The following PGR variants were observed in gnomAD, a reference collection of about 807,000 sequenced individuals.
PGR encodes the protein nuclear receptor subfamily 3 group C member 3.
Under a neutral mutation model 76.1 loss-of-function variants are expected in PGR, and 25 were observed. The observed-to-expected ratio is 0.33, with a 90% confidence interval of 0.24 to 0.46. PGR has a LOEUF of 0.46. Ranked by LOEUF, PGR falls within the 20% of genes least tolerant of loss-of-function variation. The pLI, the probability that PGR is intolerant of heterozygous loss-of-function variation, is 1.00. For synonymous variants in PGR, 579 were observed against 535.0 expected, an observed-to-expected ratio of 1.08 and a Z score of -1.14; for missense variants, 1,172 against 1,225.3, an observed-to-expected ratio of 0.96 and a Z score of 0.65.
chr11:101,115,048 T>C (rs1862459223), intron 2 of PGR, among the ~76,000 whole-genome samples: 1 of 152,130 alleles, frequency 6.6e-6, no homozygotes, highest in African/African-American at 2.4e-5. Context: ...GGGGTGGGAA[T>C]AAGGGGTCAC....
rs866776804 is a variant in PGR, at chr11:101,068,081, C to G, written c.1907-5329G>C. ...TCATATTTTCTTAAGCCAACTGAGT[C>G]CAGAGGTGGATGTTAATCATATTGT... On this transcript the variant is annotated intron_variant, in intron 3 of 7. Transcript: ENST00000325455. 3.9e-5 allele frequency among the ~76,000 whole-genome samples: 6 copies of G among 152,008 alleles called. No individual in the cohort carries two copies. The South Asian group carries it at 1.2e-3, about 32-fold the overall frequency.
intron 2 of PGR, among the ~76,000 whole-genome samples, chr11:101,101,840 A>G (rs1003017528): frequency 1.1e-4 from 16 of 152,228 alleles, no homozygotes; most frequent in African/African-American, 3.9e-4. Context: ...TTAAAACATT[A>G]TGAGTTTTAA....
chr11:101,038,789 G>A lies in PGR; in HGVS notation c.*327C>T. On this transcript the variant is annotated 3_prime_UTR_variant, in exon 8 of 8. Transcript: ENST00000325455. Reference sequence around the variant, plus strand: ...GTAAGATTTTTTCTCTTAAGTCGATGATTTGTTAGATGCAAAAGTTAAAAA... The same window carrying A: ...GTAAGATTTTTTCTCTTAAGTCGATAATTTGTTAGATGCAAAAGTTAAAAA... 3.9e-6 allele frequency: 1 copy of A among 259,646 alleles called. No individual in the cohort carries two copies. Among genetic ancestry groups the A allele is most frequent in the Non-Finnish European group, 7.4e-6 (1 of 134,580 alleles). 16.1% of individuals were successfully genotyped at this position (259,646 alleles called of 1,614,324 possible). A position where few individuals can be genotyped will look rare whatever the true frequency, so the allele number is the denominator to read the frequency against.
intron 2 of PGR, among the ~76,000 whole-genome samples, chr11:101,097,660 TACC>T (rs902033410): frequency 5.3e-5 from 8 of 152,246 alleles, no homozygotes; most frequent in Non-Finnish European, 1.0e-4. Flanking sequence ...TCTGATTTTT[TACC>T]ACCTTTTAAC....
At chr11:101,105,222 T>G (rs1862113275) in intron 2 of PGR, among the ~76,000 whole-genome samples, 1 of 152,166 alleles carries the variant, frequency 6.6e-6, no homozygotes, top group Non-Finnish European at 1.5e-5. Context: ...ATGGTACCAC[T>G]GGAGACACTG....
At chr11:101,048,630 C>T (rs1423974667) in intron 6 of PGR, among the ~76,000 whole-genome samples, 1 of 152,112 alleles carries the variant, frequency 6.6e-6, no homozygotes, top group Non-Finnish European at 1.5e-5. Flanking sequence ...GCATAGGGGA[C>T]TTAACATGAA....
chr11:101,062,888 T>A (rs1297673185), intron 3 of PGR, 136 bp from the exon 4 acceptor site: 15 of 598,850 alleles, frequency 2.5e-5, no homozygotes, highest in Non-Finnish European at 4.2e-5. Context: ...AATAAAAGTG[T>A]TAGATATTAA....
At chr11:101,091,179 T>G (rs1861663811) in intron 3 of PGR, among the ~76,000 whole-genome samples, 1 of 152,186 alleles carries the variant, frequency 6.6e-6, no homozygotes, top group East Asian at 1.9e-4. Context: ...TATCTGACAT[T>G]AATTTTTTAA....
At chr11:101,059,930 A>G (rs1458017846) in intron 4 of PGR, among the ~76,000 whole-genome samples, 1 of 152,064 alleles carries the variant, frequency 6.6e-6, no homozygotes, top group Non-Finnish European at 1.5e-5. Flanking sequence ...TACCATTATT[A>G]TAACAGATCC....
chr11:101,070,264 T>C (rs1046034349), intron 3 of PGR, among the ~76,000 whole-genome samples: 2 of 152,174 alleles, frequency 1.3e-5, no homozygotes, highest in African/African-American at 4.8e-5. Flanking sequence ...CGTGAGTGAC[T>C]GTGCTGTAAG....
chr11:101,069,470 G>C (rs985671329), intron 3 of PGR, among the ~76,000 whole-genome samples: 1 of 152,140 alleles, frequency 6.6e-6, no homozygotes, highest in Non-Finnish European at 1.5e-5. Context: ...CAAAGATCTA[G>C]AACCAGAAAT....
chr11:101,084,431 G>T (rs1565350216), intron 3 of PGR, among the ~76,000 whole-genome samples: 1 of 152,094 alleles, frequency 6.6e-6, no homozygotes, highest in Non-Finnish European at 1.5e-5. Context: ...GCTGAGGCGG[G>T]TGGATCACCT....
intron 3 of PGR, among the ~76,000 whole-genome samples, chr11:101,075,756 T>C (rs577300082): frequency 6.6e-6 from 1 of 151,888 alleles, no homozygotes; most frequent in African/African-American, 2.4e-5. Flanking sequence ...TGCAAATCAA[T>C]ACCACAATGA....
intron 2 of PGR, among the ~76,000 whole-genome samples, chr11:101,116,691 G>T (rs1862523174): frequency 6.9e-6 from 1 of 144,442 alleles, no homozygotes; most frequent in Non-Finnish European, 1.5e-5. Context: ...AGTGAGCTGA[G>T]GTCAAACCAC....
intron 3 of PGR, among the ~76,000 whole-genome samples, chr11:101,086,870 T>A (rs1301833441): frequency 6.6e-6 from 1 of 151,536 alleles, no homozygotes; most frequent in Non-Finnish European, 1.5e-5. Context: ...TAGGTATACA[T>A]ATAACTAAGC....
chr11:101,048,752 C>T (rs749917357), intron 6 of PGR, among the ~76,000 whole-genome samples: 1 of 152,152 alleles, frequency 6.6e-6, no homozygotes, highest in Non-Finnish European at 1.5e-5. Context: ...AAACACTGTA[C>T]ACTTAGGCTA....
rs367594247 is a variant in PGR, at chr11:101,040,921, T to A, written c.2646+1024A>T. On this transcript the variant is annotated intron_variant, in intron 7 of 7. Coordinates refer to ENST00000325455, the MANE Select transcript of PGR (RefSeq NM_000926.4). ...ATTTACTATAACTCTTCTTTCTAAT[T>A]TTCCATGTTTTGATCTTTTATTTTT... Among the ~76,000 whole-genome samples the A allele has an allele frequency of 6.6e-5, 10 of 152,188 alleles. 1 individual carries two copies. The South Asian group carries it at 1.9e-3, about 28-fold the overall frequency.
intron 3 of PGR, among the ~76,000 whole-genome samples, chr11:101,085,812 G>C (rs1861480545): frequency 6.6e-6 from 1 of 152,040 alleles, no homozygotes; most frequent in Admixed American, 6.6e-5. Context: ...GATAACTATT[G>C]TGAACACCTC....
chr11:101,039,136 G>C lies in PGR; in HGVS notation c.2782C>G (p.Leu928Val). ...GACATTCACTTTTTATGAAAGAGAAGGGGTTTCACCATCCCTGCCAATATC... is the reference window on the plus strand; with the variant it reads ...GACATTCACTTTTTATGAAAGAGAACGGGTTTCACCATCCCTGCCAATATC... The part of the protein sequence containing the change: ...PKILAGMVKP[L>V]LFHKK The change falls in exon 8 of 8, where the codon CTT (leucine) becomes GTT (valine). Residue 928 changes from leucine (L) to valine (V), a missense_variant. Coordinates refer to ENST00000325455, the MANE Select transcript of PGR (RefSeq NM_000926.4). The C allele has an allele frequency of 6.2e-7, 1 of 1,611,500 alleles. No homozygotes were observed. The highest frequency in any genetic ancestry group is 8.5e-7 in the Non-Finnish European group (1 of 1,178,180).
Sources: gnomAD v4.1 joint callset for allele counts (sites outside exome capture counted in the v4.1 genomes callset) on GRCh38, gnomAD v4.1.1 for gene constraint, MANE v1.5 for transcripts, NCBI Gene and HGNC (gene_info 2026-07-23, HGNC 2026-07-21) for gene names.